The following CFAP251 variants were observed in gnomAD, a reference collection of about 807,000 sequenced individuals.
The protein encoded by CFAP251 is cilia- and flagella-associated protein 251.
Under a neutral mutation model 126.7 loss-of-function variants are expected in CFAP251, and 93 were observed. The observed-to-expected ratio is 0.73, with a 90% CI of 0.62 to 0.87. The LOEUF (loss-of-function observed/expected upper bound fraction) is 0.87, where lower values mean the gene tolerates loss of function less well. Among genes scored for constraint, CFAP251 ranks in the 40% least tolerant of loss-of-function variants. The probability of loss-of-function intolerance (pLI) is 0.00; values close to 1 mark genes in which losing one functional copy is unlikely to be tolerated. For synonymous variants in CFAP251, 503 were observed against 506.9 expected, an observed-to-expected ratio of 0.99 and a Z score of 0.10; for missense variants, 1,287 against 1,389.2, an observed-to-expected ratio of 0.93 and a Z score of 1.17.
At chr12:121,938,114 C>T (rs1311553965) in intron 5 of CFAP251, among the ~76,000 whole-genome samples, 1 of 151,988 alleles carries the variant, frequency 6.6e-6, no homozygotes, top group African/African-American at 2.4e-5. Context: ...AAGTGATCCT[C>T]CCACCTCAGC....
intron 17 of CFAP251, among the ~76,000 whole-genome samples, chr12:121,970,569 C>A (rs1882298719): frequency 6.6e-6 from 1 of 152,180 alleles, no homozygotes; most frequent in African/African-American, 2.4e-5. Context: ...AGCTTTAGCT[C>A]CTTTCCAGAA....
intron 15 of CFAP251, 107 bp from the exon 16 acceptor site, chr12:121,966,848 T>C (rs1882159619): frequency 1.0e-6 from 1 of 954,236 alleles, no homozygotes; most frequent in African/African-American, 1.6e-5. Context: ...CCTCCCGAAG[T>C]GCTGGGATTA....
intron 10 of CFAP251, among the ~76,000 whole-genome samples, chr12:121,955,265 G>C (rs1881687166): frequency 6.6e-6 from 1 of 152,194 alleles, no homozygotes; most frequent in Non-Finnish European, 1.5e-5. Context: ...CTGCACTCCA[G>C]TCTGGGCGAC....
At chr12:121,978,260 G>A (rs974652972) in intron 19 of CFAP251, among the ~76,000 whole-genome samples, 4 of 150,808 alleles carry the variant, frequency 2.7e-5, no homozygotes, top group Non-Finnish European at 5.9e-5. Flanking sequence ...CGAGCGTGGT[G>A]GCGGGTGCCT....
chr12:121,923,511 A>G, intron 2 of CFAP251, 111 bp from the exon 3 acceptor site: 1 of 1,396,522 alleles, frequency 7.2e-7, no homozygotes, highest in Non-Finnish European at 9.6e-7. Flanking sequence ...AAAACATTTC[A>G]TAATTCCTAG....
intron 7 of CFAP251, among the ~76,000 whole-genome samples, chr12:121,947,328 C>T (rs193096978): frequency 6.6e-6 from 1 of 152,250 alleles, no homozygotes; most frequent in Admixed American, 6.5e-5. Flanking sequence ...TGAGATTCCC[C>T]ATCTTGTCCT....
rs771215875 is a variant in CFAP251, at chr12:121,921,400, A to C, written c.95A>C (p.Glu32Ala). ...EEEEPNPNYK[E>A]VEDPQQESKD... ...GAGGAACCTAATCCAAATTATAAAG[A>C]AGTAGAAGATCCACAACAGGAATCA... The change falls in exon 2 of 22, where the codon GAA becomes GCA. Residue 32 changes from glutamate (E) to alanine (A), a missense_variant. Physicochemically the swap from Glu to Ala is moderately radical, Grantham distance 107. Transcript: ENST00000288912. 1 of 1,614,060 alleles carries C rather than the reference A, an allele frequency of 6.2e-7. No homozygotes were observed. The highest frequency in any genetic ancestry group is 1.7e-5 in the Admixed American group (1 of 59,982).
At chr12:121,941,640 C>A (rs898474869) in intron 5 of CFAP251, among the ~76,000 whole-genome samples, 11 of 152,066 alleles carry the variant, frequency 7.2e-5, no homozygotes, top group Non-Finnish European at 1.3e-4. Context: ...AGCCTAGTTT[C>A]TTATCATATG....
intron 12 of CFAP251, among the ~76,000 whole-genome samples, 184 bp downstream of exon 12, chr12:121,958,706 A>G (rs1293128702): frequency 1.4e-5 from 2 of 139,966 alleles, no homozygotes; most frequent in East Asian, 4.1e-4. Flanking sequence ...CTGCGCGCTC[A>G]CCCCAGCAGG....
intron 19 of CFAP251, among the ~76,000 whole-genome samples, chr12:121,984,258 C>T (rs1882694271): frequency 6.6e-6 from 1 of 152,106 alleles, no homozygotes; most frequent in Admixed American, 6.6e-5. Context: ...CAAAACACAG[C>T]CAAAGTGGTC....
intron 15 of CFAP251, among the ~76,000 whole-genome samples, chr12:121,963,876 G>A (rs972996579): frequency 6.6e-6 from 1 of 151,742 alleles, no homozygotes; most frequent in Non-Finnish European, 1.5e-5. Context: ...CCCTGGCTTT[G>A]GGATCTTACC....
rs184377391 is a variant in CFAP251, at chr12:121,946,547, G to A, written c.1192-2437G>A. ...TGTGTGTCTCTCTCCTTGGCCCCCAGCTGATTTTACAGATTTTTCCCTTGG... is the reference window on the plus strand; with the variant it reads ...TGTGTGTCTCTCTCCTTGGCCCCCAACTGATTTTACAGATTTTTCCCTTGG... On this transcript the variant is annotated intron_variant, in intron 7 of 21. Transcript: ENST00000288912. 1.0e-3 allele frequency among the ~76,000 whole-genome samples: 155 copies of A among 152,248 alleles called. No individual in the cohort carries two copies. In the Middle Eastern group the frequency reaches 0.01, roughly 10 times the overall value.
chr12:121,963,580 G>A (rs1471691737), intron 15 of CFAP251, among the ~76,000 whole-genome samples: 2 of 150,664 alleles, frequency 1.3e-5, no homozygotes, highest in African/African-American at 2.4e-5. Flanking sequence ...CTGCAGCCCA[G>A]CATCCTAGAG....
intron 5 of CFAP251, among the ~76,000 whole-genome samples, chr12:121,942,226 G>A (rs1881147487): frequency 6.6e-5 from 10 of 151,966 alleles, no homozygotes; most frequent in Admixed American, 6.6e-4. Flanking sequence ...GCCCCAGAAG[G>A]ACACCCTGCA....
At chr12:121,994,099 C>G (rs1882964280) in intron 19 of CFAP251, among the ~76,000 whole-genome samples, 1 of 116,018 alleles carries the variant, frequency 8.6e-6, no homozygotes, top group Non-Finnish European at 1.8e-5. Context: ...GCGGCCCCTA[C>G]TGGGAAGTGA....
chr12:121,924,890 A>G (rs1290115713), intron 3 of CFAP251, among the ~76,000 whole-genome samples: 1 of 151,710 alleles, frequency 6.6e-6, no homozygotes, highest in Non-Finnish European at 1.5e-5. Context: ...CACGTGGGAG[A>G]TCCAAACTCC....
intron 5 of CFAP251, among the ~76,000 whole-genome samples, chr12:121,935,620 G>A (rs1880862970): frequency 6.6e-6 from 1 of 152,194 alleles, no homozygotes. Flanking sequence ...GTGTCTGATG[G>A]TTTTCTCGTG....
chr12:121,928,898 T>G (rs545456871), intron 3 of CFAP251, among the ~76,000 whole-genome samples: 1 of 151,844 alleles, frequency 6.6e-6, no homozygotes, highest in South Asian at 2.1e-4. Context: ...GGTTTCACTA[T>G]GTTGCCCAGG....
intron 19 of CFAP251, among the ~76,000 whole-genome samples, chr12:121,995,469 A>G (rs1016598297): frequency 6.6e-6 from 1 of 152,174 alleles, no homozygotes; most frequent in Admixed American, 6.5e-5. Context: ...GTTAATTTGT[A>G]TCTGTAACCA....
Sources: allele counts gnomAD v4.1 joint callset (sites outside exome capture counted in the v4.1 genomes callset), GRCh38; gene constraint gnomAD v4.1.1; transcripts MANE v1.5; gene names NCBI Gene and HGNC (gene_info 2026-07-23, HGNC 2026-07-21).